The following NDUFS4 variants were observed in gnomAD, a reference collection of about 807,000 sequenced individuals.
NDUFS4 encodes NADH dehydrogenase [ubiquinone] iron-sulfur protein 4, mitochondrial.
A neutral mutation model predicts 24.3 loss-of-function variants in NDUFS4; 28 were observed. The ratio of observed to expected loss-of-function variants is 1.15; its 90% CI spans 0.85 to 1.58. The LOEUF (loss-of-function observed/expected upper bound fraction) is 1.58. NDUFS4 is among the 40% of genes most tolerant of loss of function. NDUFS4 has a pLI of 0.00. For synonymous variants in NDUFS4, 93 were observed against 69.7 expected (o/e 1.34, Z -1.67); for missense variants, 223 against 207.9 (o/e 1.07, Z -0.45).
At chr5:53,669,419 C>G (rs552923333) in intron 4 of NDUFS4, among the ~76,000 whole-genome samples, 1 of 152,174 alleles carries the variant, frequency 6.6e-6, no homozygotes, top group Non-Finnish European at 1.5e-5. Context: ...TGTTCTCATT[C>G]TTATCCCTGC....
At chr5:53,668,290 G>T (rs1752573873) in intron 4 of NDUFS4, among the ~76,000 whole-genome samples, 1 of 152,076 alleles carries the variant, frequency 6.6e-6, no homozygotes, top group Non-Finnish European at 1.5e-5. Context: ...CTATTCTGAA[G>T]ATAAAAGCCT....
intron 4 of NDUFS4, among the ~76,000 whole-genome samples, chr5:53,680,323 C>G (rs902221446): frequency 6.6e-6 from 1 of 152,000 alleles, no homozygotes; most frequent in Admixed American, 6.6e-5. Context: ...ACCATTTGAC[C>G]CAGCCATCCC....
chr5:53,577,544 AT>A (rs1358258169), intron 1 of NDUFS4, among the ~76,000 whole-genome samples: 1 of 151,204 alleles, frequency 6.6e-6, no homozygotes, highest in Non-Finnish European at 1.5e-5. Flanking sequence ...GCACTTAGGC[AT>A]TGAGGTAATT....
At chr5:53,570,173 C>T (rs1331207434) in intron 1 of NDUFS4, among the ~76,000 whole-genome samples, 1 of 152,188 alleles carries the variant, frequency 6.6e-6, no homozygotes, top group Non-Finnish European at 1.5e-5. Context: ...TACCCCAAGA[C>T]TCCCTCATGT....
In NDUFS4 at chr5:53,582,245, TTAAATTAAAA is replaced by T. The variant is rs796728066; in HGVS notation, c.99-21202_99-21193del. 2.1e-3 allele frequency among the ~76,000 whole-genome samples: 297 copies of T among 139,900 alleles called. 1 individual carries two copies. Among genetic ancestry groups the T allele is most frequent in the African/African-American group, 8.6e-3 (275 of 32,160 alleles). The allele number at this position is 139,900 out of a possible 152,430, so 91.8% of individuals were successfully genotyped here. On this transcript the variant is annotated intron_variant, in intron 1 of 4. Transcript: ENST00000296684. The stretch of plus-strand genomic sequence containing the variant: ...TAAAATAAAATAAAATAAAATAAAA[TTAAATTAAAA>T]TAAAAATAAATAGCTATATACACAT...
intron 1 of NDUFS4, among the ~76,000 whole-genome samples, chr5:53,596,117 C>G (rs995652618): frequency 3.3e-5 from 5 of 152,040 alleles, no homozygotes; most frequent in African/African-American, 9.7e-5. Context: ...TTTACTCAGT[C>G]TGTCTTTCCA....
chr5:53,624,274 G>A (rs1055627463), intron 2 of NDUFS4, among the ~76,000 whole-genome samples: 3 of 151,958 alleles, frequency 2.0e-5, no homozygotes, highest in Non-Finnish European at 4.4e-5. Context: ...TTTTAAAATC[G>A]GGATTTATGA....
chr5:53,604,864 C>T (rs1395831808), intron 2 of NDUFS4: 12 of 456,168 alleles, frequency 2.6e-5, no homozygotes, highest in Admixed American at 1.9e-4. Context: ...CTGAGGACTT[C>T]ATCCGGTCAC....
intron 3 of NDUFS4, among the ~76,000 whole-genome samples, chr5:53,654,553 T>G (rs548905470): frequency 1.3e-5 from 2 of 152,280 alleles, no homozygotes; most frequent in East Asian, 3.9e-4. Flanking sequence ...GTCTTCATTA[T>G]GTATATCTCC....
chr5:53,682,614 A>G (rs1401235545), intron 4 of NDUFS4, among the ~76,000 whole-genome samples: 6 of 152,094 alleles, frequency 3.9e-5, no homozygotes, highest in Non-Finnish European at 8.8e-5. Context: ...GTAACCTCTC[A>G]TGGTCCACTT....
At position 53,663,402 on chromosome 5, in the gene NDUFS4, C is replaced by T. The variant is rs987983239; in HGVS notation, c.424+4778C>T. Among the ~76,000 whole-genome samples the T allele has an allele frequency of 1.1e-4, 17 of 152,070 alleles. 1 individual carries two copies. Among genetic ancestry groups the T allele is most frequent in the Admixed American group, 1.0e-3 (16 of 15,270 alleles). On this transcript the variant is annotated intron_variant, in intron 4 of 4. Coordinates refer to ENST00000296684, the MANE Select transcript of NDUFS4 (RefSeq NM_002495.4). ...GGGTATCCTTGTTAACTTCCTGTCT[C>T]ATTGATCTGTCTAATGTTGACAGTG...
At chr5:53,605,175 C>T (rs28708487) in intron 2 of NDUFS4, among the ~76,000 whole-genome samples, 14,104 of 152,046 alleles carry the variant, frequency 0.093, 780 homozygotes, top group Non-Finnish European at 0.13. Flanking sequence ...GAGCCGAGAT[C>T]GCACCATTAC....
chr5:53,631,261 G>A (rs1158024758), intron 2 of NDUFS4, among the ~76,000 whole-genome samples: 9 of 152,098 alleles, frequency 5.9e-5, no homozygotes, highest in Non-Finnish European at 7.4e-5. Context: ...TGGAAGCTTC[G>A]TCCCATAGAG....
chr5:53,664,172 G>A (rs1752437259), intron 4 of NDUFS4, among the ~76,000 whole-genome samples: 1 of 152,128 alleles, frequency 6.6e-6, no homozygotes, highest in Admixed American at 6.6e-5. Context: ...CCACTCTTCT[G>A]GCTTGTAGAG....
intron 4 of NDUFS4, among the ~76,000 whole-genome samples, chr5:53,677,104 A>G (rs959869625): frequency 1.3e-5 from 2 of 152,130 alleles, no homozygotes; most frequent in African/African-American, 2.4e-5. Flanking sequence ...GCTGATTTTC[A>G]GATATACTTT....
chr5:53,609,323 C>T (rs903176706), intron 2 of NDUFS4, among the ~76,000 whole-genome samples: 2 of 152,190 alleles, frequency 1.3e-5, no homozygotes, highest in Non-Finnish European at 2.9e-5. Flanking sequence ...GGCATGAAAG[C>T]GACACCCTTG....
At chr5:53,568,731 A>G (rs1325215030) in intron 1 of NDUFS4, among the ~76,000 whole-genome samples, 4 of 152,104 alleles carry the variant, frequency 2.6e-5, no homozygotes, top group African/African-American at 9.7e-5. Flanking sequence ...TTAAAATGGA[A>G]AAGGCTTTTT....
intron 3 of NDUFS4, among the ~76,000 whole-genome samples, chr5:53,658,070 T>G (rs1250635039): frequency 1.3e-5 from 2 of 152,166 alleles, no homozygotes; most frequent in Non-Finnish European, 1.5e-5. Context: ...TTTTTATGCT[T>G]TAAAAGAATA....
At chr5:53,667,632 T>C (rs1752556720) in intron 4 of NDUFS4, among the ~76,000 whole-genome samples, 1 of 152,080 alleles carries the variant, frequency 6.6e-6, no homozygotes. Flanking sequence ...TAAAATCATT[T>C]GTTGTCAGCT....
Sources: gnomAD v4.1 joint callset for allele counts (sites outside exome capture counted in the v4.1 genomes callset) on GRCh38, gnomAD v4.1.1 for gene constraint, MANE v1.5 for transcripts, NCBI Gene and HGNC (gene_info 2026-07-23, HGNC 2026-07-21) for gene names.